Variants in ZNF568 observed in about 807,000 individuals in gnomAD.
The protein encoded by ZNF568 is zinc finger protein 568.
ZNF568 carries 11 observed loss-of-function variants against 18.1 expected under a neutral mutation model. The ratio of observed to expected loss-of-function variants is 0.61; its 90% CI spans 0.38 to 1.00. The LOEUF is 1.00. Ranked by LOEUF, ZNF568 falls within the 50% of genes least tolerant of loss-of-function variation. The probability of loss-of-function intolerance (pLI) is 0.01; values close to 1 mark genes in which losing one functional copy is unlikely to be tolerated. For synonymous variants in ZNF568, 213 were observed against 246.6 expected, an observed-to-expected ratio of 0.86 and a Z score of 1.28; for missense variants, 639 against 768.2, an observed-to-expected ratio of 0.83 and a Z score of 1.99.
downstream of ZNF568, among the ~76,000 whole-genome samples, chr19:36,955,858 T>C (rs2074103648): frequency 6.6e-6 from 1 of 152,150 alleles, no homozygotes; most frequent in South Asian, 2.1e-4. Flanking sequence ...CCTATGTTTT[T>C]ATGGAAAGAA....
intron 6 of ZNF568, among the ~76,000 whole-genome samples, chr19:36,959,474 T>C (rs541830073): frequency 6.7e-6 from 1 of 150,108 alleles, no homozygotes; most frequent in African/African-American, 2.4e-5. Context: ...TAGTTTTCTT[T>C]TTATGTTGTG....
chr19:36,949,575 C>A lies in ZNF568; in HGVS notation c.422C>A (p.Ser141Tyr), dbSNP rs371756750. The A allele has an allele frequency of 6.2e-7, 1 of 1,612,280 alleles. No individual in the cohort carries two copies. The highest frequency in any genetic ancestry group is 8.5e-7 in the Non-Finnish European group (1 of 1,179,228). ...GAAACACTTGTGAGGAAAGTCACAT[C>A]CATCTCCAAGAAAATTCTGATAAAG... ...QQETLVRKVT[S>Y]ISKKILIKEK... Residue 141 changes from serine to tyrosine, a missense_variant, in exon 7 of 7, where the codon TCC becomes TAC. Transcript: ENST00000333987.
At chr19:36,934,726 A>G (rs2073759813) in intron 4 of ZNF568, among the ~76,000 whole-genome samples, 1 of 152,182 alleles carries the variant, frequency 6.6e-6, no homozygotes, top group Non-Finnish European at 1.5e-5. Context: ...ATGGCATTCC[A>G]TAAGTTTTGG....
intron 6 of ZNF568, among the ~76,000 whole-genome samples, chr19:36,963,719 A>T (rs940776178): frequency 1.3e-5 from 2 of 152,152 alleles, no homozygotes; most frequent in African/African-American, 4.8e-5. Context: ...CTGTAATCCC[A>T]GCACTTTGGG....
At chr19:36,974,625 GCTGT>G (rs749905587) in intron 7 of ZNF568, among the ~76,000 whole-genome samples, 1 of 152,136 alleles carries the variant, frequency 6.6e-6, no homozygotes, top group African/African-American at 2.4e-5. Context: ...GCAGCCTAGG[GCTGT>G]CTATTTTGCA....
intron 4 of ZNF568, among the ~76,000 whole-genome samples, chr19:36,928,909 A>G (rs1294270500): frequency 1.5e-5 from 1 of 68,724 alleles, no homozygotes. Context: ...AAATTAATAT[A>G]AATTGTCTTT....
At chr19:36,974,104 C>G (rs1317421369) in intron 6 of ZNF568, among the ~76,000 whole-genome samples, 1 of 152,200 alleles carries the variant, frequency 6.6e-6, no homozygotes, top group African/African-American at 2.4e-5. Context: ...GTTTGAGACC[C>G]TGACAGGTGG....
chr19:36,918,363 C>G (rs2073390274), intron 2 of ZNF568, among the ~76,000 whole-genome samples: 2 of 152,182 alleles, frequency 1.3e-5, no homozygotes, highest in Admixed American at 1.3e-4. Context: ...TCCACAGATG[C>G]TCAAGTCCCT....
At position 36,922,717 on chromosome 19, in the gene ZNF568, C is replaced by T. The variant is rs1891375547; in HGVS notation, c.-54C>T. The T allele has an allele frequency of 1.3e-6, 2 of 1,531,548 alleles. No homozygotes were observed. The highest frequency in any genetic ancestry group is 1.4e-5 in the African/African-American group (1 of 73,206). The allele number at this position is 1,531,548 out of a possible 1,614,324, so 94.9% of individuals were successfully genotyped here. ...GGAGAGTCCTGAAAGAGAGTGGACCCTGGAGTTGCTGGAGCTTGTCTTGAC... is the reference window on the plus strand; with the variant it reads ...GGAGAGTCCTGAAAGAGAGTGGACCTTGGAGTTGCTGGAGCTTGTCTTGAC... On this transcript the variant is annotated 5_prime_UTR_variant, in exon 3 of 7. Coordinates refer to ENST00000333987, the MANE Select transcript of ZNF568 (RefSeq NM_198539.4).
At chr19:36,996,672 C>A in exon 5 of ZNF568, 1 of 1,535,516 alleles carries the variant, frequency 6.5e-7, no homozygotes, top group East Asian at 2.4e-5. Flanking sequence ...GTGGATCAGA[C>A]TTGATTAAGC....
chr19:36,981,155 T>C (rs1337136398), downstream of ZNF568, among the ~76,000 whole-genome samples: 1 of 152,210 alleles, frequency 6.6e-6, no homozygotes, highest in African/African-American at 2.4e-5. Flanking sequence ...TGTATATGTT[T>C]GTCTATTCTG....
chr19:36,967,856 TA>T (rs2074205473), intron 6 of ZNF568, among the ~76,000 whole-genome samples: 2 of 152,322 alleles, frequency 1.3e-5, no homozygotes, highest in African/African-American at 4.8e-5. Flanking sequence ...ATGTCCACAG[TA>T]AAGAATCTCA....
chr19:36,991,565 A>T, intron 3 of ZNF568: 1 of 625,340 alleles, frequency 1.6e-6, no homozygotes, highest in Non-Finnish European at 2.6e-6. Context: ...GGTTAAGTGG[A>T]ATCACATATT....
intron 6 of ZNF568, among the ~76,000 whole-genome samples, chr19:36,947,138 C>G (rs1053123538): frequency 2.0e-5 from 3 of 152,078 alleles, no homozygotes; most frequent in Non-Finnish European, 2.9e-5. Flanking sequence ...GCCTCAGCCT[C>G]CTGTCTAGCT....
Position 36,937,215 on chromosome 19 carries a change from G to T in ZNF568, c.331G>T (p.Glu111Ter). The T allele has an allele frequency of 6.2e-7, 1 of 1,614,024 alleles. No homozygotes were observed. Among genetic ancestry groups the T allele is most frequent in the Non-Finnish European group, 8.5e-7 (1 of 1,179,914 alleles). The change falls in exon 6 of 7, where the codon GAA (glutamate) becomes TAA (stop). Residue 111 changes from glutamate to a stop codon, truncating the protein, a stop_gained. Transcript: ENST00000333987. LOFTEE classifies it low-confidence loss of function (END_TRUNC). ...EQEEEPWVME[E>*]EMFGRHCPEV... ...AGAAGAGGAGCCCTGGGTGATGGAG[G>T]AAGAAATGTTTGGGAGGCACTGTCC...
chr19:36,925,314 G>T, intron 4 of ZNF568, 56 bp downstream of exon 4: 1 of 1,494,502 alleles, frequency 6.7e-7, no homozygotes, highest in Non-Finnish European at 9.3e-7. Flanking sequence ...AGTTACGGTG[G>T]GTTCTTGTAA....
chr19:36,962,838 A>C (rs2074165972), intron 6 of ZNF568, among the ~76,000 whole-genome samples: 1 of 151,816 alleles, frequency 6.6e-6, no homozygotes, highest in African/African-American at 2.4e-5. Flanking sequence ...CTGCTTAGAA[A>C]TCCTCTATTA....
At chr19:36,959,927 G>C (rs982778677) in intron 6 of ZNF568, among the ~76,000 whole-genome samples, 1 of 151,782 alleles carries the variant, frequency 6.6e-6, no homozygotes, top group Admixed American at 6.6e-5. Context: ...ATCAATTTGG[G>C]TTATCTTTTT....
intron 4 of ZNF568, among the ~76,000 whole-genome samples, chr19:36,927,032 G>A (rs374037982): frequency 2.0e-5 from 3 of 152,062 alleles, no homozygotes; most frequent in East Asian, 1.9e-4. Context: ...TTCTGTATTC[G>A]AAATTAGAAT....
Sources: gnomAD v4.1 joint callset for allele counts (sites outside exome capture counted in the v4.1 genomes callset) on GRCh38, gnomAD v4.1.1 for gene constraint, MANE v1.5 for transcripts, NCBI Gene and HGNC (gene_info 2026-07-23, HGNC 2026-07-21) for gene names.